The following NCAPD2 variants were observed in gnomAD, a reference collection of about 807,000 sequenced individuals.
NCAPD2 encodes the protein condensin complex subunit 1.
In NCAPD2, 100 loss-of-function variants were observed where a neutral mutation model predicts 164.5. That is an observed-to-expected ratio of 0.61 (90% CI 0.52 to 0.72). The LOEUF is 0.72. Among genes scored for constraint, NCAPD2 ranks in the 30% least tolerant of loss-of-function variants. The pLI, the probability that NCAPD2 is intolerant of heterozygous loss-of-function variation, is 0.00. For missense variants in NCAPD2, 1,560 were observed against 1,749.2 expected (o/e 0.89, Z 1.93); for synonymous variants, 585 against 642.6 (o/e 0.91, Z 1.36).
intron 2 of NCAPD2, among the ~76,000 whole-genome samples, chr12:6,501,354 A>T (rs1946034877): frequency 6.9e-6 from 1 of 144,780 alleles, no homozygotes; most frequent in Non-Finnish European, 1.5e-5. Flanking sequence ...CACCTGGCTA[A>T]TTTTTGTATT....
chr12:6,510,208 C>G (rs371221396), intron 4 of NCAPD2, 75 bp downstream of exon 4: 1 of 1,457,320 alleles, frequency 6.9e-7, no homozygotes, highest in Non-Finnish European at 9.6e-7. Context: ...GTTTGTTTTT[C>G]CTACATTTTG....
intron 17 of NCAPD2, 23 bp downstream of exon 17, chr12:6,523,369 T>A: frequency 6.4e-7 from 1 of 1,562,542 alleles, no homozygotes; most frequent in Non-Finnish European, 8.8e-7. Context: ...GCTTTCTCTT[T>A]CTTTATTCAT....
In NCAPD2 at chr12:6,531,444, A is replaced by G. The variant is rs1946372826; in HGVS notation, c.*32A>G. On this transcript the variant is annotated 3_prime_UTR_variant, in exon 32 of 32. Coordinates refer to ENST00000315579, the MANE Select transcript of NCAPD2 (RefSeq NM_014865.4). The surrounding 1 kb of genome is among the most constrained non-coding windows in gnomAD (Gnocchi z 4.1). ...TGTTCCTGTCCTCCCTGTGCAGGGT[A>G]TCCTGTAGGGTGACCTGGAATTCGA... 6.2e-7 allele frequency: 1 copy of G among 1,611,006 alleles called. No homozygotes were observed. Among genetic ancestry groups the G allele is most frequent in the Non-Finnish European group, 8.5e-7 (1 of 1,178,864 alleles).
At chr12:6,526,779 T>G (rs918387382) in intron 21 of NCAPD2, 112 bp from the exon 22 acceptor site, 4 of 1,436,904 alleles carry the variant, frequency 2.8e-6, no homozygotes, top group Non-Finnish European at 3.8e-6. Context: ...TCTTACTACT[T>G]CACTAGTTTG....
In NCAPD2 at chr12:6,521,871, TA is replaced by T. The variant is rs1946266426; in HGVS notation, c.1793del (p.Asn598IlefsTer17). On this transcript the variant is annotated frameshift_variant, in exon 15 of 32. Coordinates refer to ENST00000315579, the MANE Select transcript of NCAPD2 (RefSeq NM_014865.4). LOFTEE classifies it high-confidence loss of function. ...GNMVTGQTVC[K>X]NKPNMSDPEE... Reference sequence around the variant, plus strand: ...ACATGGTCACAGGACAGACTGTCTGTAAAAATAAACCCAATATGTCGGATCC... The same window carrying T: ...ACATGGTCACAGGACAGACTGTCTGTAAAATAAACCCAATATGTCGGATCC... The T allele has an allele frequency of 6.2e-7, 1 of 1,614,118 alleles. No homozygotes were observed. Among genetic ancestry groups the T allele is most frequent in the Non-Finnish European group, 8.5e-7 (1 of 1,180,012 alleles).
chr12:6,508,116 A>C (rs1451117315), intron 2 of NCAPD2, among the ~76,000 whole-genome samples: 1 of 152,182 alleles, frequency 6.6e-6, no homozygotes, highest in Non-Finnish European at 1.5e-5. Flanking sequence ...GGATCATGAG[A>C]TCAAGACCAT....
rs1946330716 is a variant in NCAPD2 at position 6,527,801 on chromosome 12, G to A, written c.2932G>A (p.Glu978Lys). ...EKNTSSETTMEEELGLVGATA... is the reference protein window; with the variant it reads ...EKNTSSETTMKEELGLVGATA... Reference sequence around the variant, plus strand: ...GAATACGAGCTCTGAGACCACCATGGAGGAGGAGCTGGGGCTGGTTGGGGC... The same window carrying A: ...GAATACGAGCTCTGAGACCACCATGAAGGAGGAGCTGGGGCTGGTTGGGGC... Residue 978 changes from glutamate to lysine, a missense_variant, in exon 23 of 32, where the codon GAG (glutamate) becomes AAG (lysine). Transcript: ENST00000315579. 5.0e-6 allele frequency: 8 copies of A among 1,613,528 alleles called. No individual in the cohort carries two copies. Among genetic ancestry groups the A allele is most frequent in the South Asian group, 1.1e-5 (1 of 91,044 alleles).
intron 2 of NCAPD2, among the ~76,000 whole-genome samples, chr12:6,498,055 A>G (rs1157984141): frequency 6.6e-6 from 1 of 151,970 alleles, no homozygotes; most frequent in Non-Finnish European, 1.5e-5. Context: ...GACTACAGGC[A>G]TGTGCCAACA....
chr12:6,520,461 A>G (rs1235154069), intron 13 of NCAPD2, among the ~76,000 whole-genome samples: 1 of 148,452 alleles, frequency 6.7e-6, no homozygotes, highest in Non-Finnish European at 1.5e-5. Context: ...GGCATACACC[A>G]TCACACCCAC....
At chr12:6,508,107 G>A (rs1408231366) in intron 2 of NCAPD2, among the ~76,000 whole-genome samples, 1 of 152,180 alleles carries the variant, frequency 6.6e-6, no homozygotes, top group African/African-American at 2.4e-5. Context: ...GAGGCAGGTG[G>A]ATCATGAGAT....
At chr12:6,501,265 G>C (rs7138282) in intron 2 of NCAPD2, among the ~76,000 whole-genome samples, 2 of 113,328 alleles carry the variant, frequency 1.8e-5, no homozygotes, top group African/African-American at 3.4e-5. Context: ...TTTTTAGGCA[G>C]AGTCTCGCTC....
At position 6,527,995 on chromosome 12, in the gene NCAPD2, C is replaced by T. The variant is rs1592178028; in HGVS notation, c.3047C>T (p.Pro1016Leu). The T allele has an allele frequency of 1.9e-6, 3 of 1,614,238 alleles. No homozygotes were observed. In the South Asian group the frequency reaches 3.3e-5, roughly 18 times the overall value. ...DGKQTLAAFV[P>L]LLLKVCNNPG... Reference sequence around the variant, plus strand: ...AAACAGACACTGGCTGCCTTTGTTCCACTCTTGCTTAAAGTCTGTAACAAC... The same window carrying T: ...AAACAGACACTGGCTGCCTTTGTTCTACTCTTGCTTAAAGTCTGTAACAAC... The change falls in exon 24 of 32, where the codon CCA (proline) becomes CTA (leucine). Residue 1016 changes from proline (P) to leucine (L), a missense_variant. Transcript: ENST00000315579.
intron 2 of NCAPD2, among the ~76,000 whole-genome samples, chr12:6,501,021 T>C (rs923697983): frequency 6.6e-6 from 1 of 151,682 alleles, no homozygotes; most frequent in African/African-American, 2.4e-5. Flanking sequence ...ATTATAGGGT[T>C]AGTAAAGGAA....
In NCAPD2 at chr12:6,494,449, A is replaced by C. The variant is rs1033878403; in HGVS notation, c.-24+295A>C. Among the ~76,000 whole-genome samples the C allele has an allele frequency of 4.6e-5, 7 of 152,346 alleles. No individual in the cohort carries two copies. In the East Asian group the frequency reaches 9.6e-4, roughly 21 times the overall value. On this transcript the variant is annotated intron_variant, in intron 1 of 31. Transcript: ENST00000315579. ...TGTAAACTCATTTGTATTATTATGC[A>C]CCTCATGGGATTGAGGTTAGGATAC... is the stretch of plus-strand genomic sequence containing the variant.
chr12:6,529,135 G>C, intron 27 of NCAPD2, 96 bp downstream of exon 27: 3 of 1,132,392 alleles, frequency 2.6e-6, no homozygotes, highest in Non-Finnish European at 3.9e-6. Flanking sequence ...CTACTCTTTA[G>C]CTGTACAGCC....
At chr12:6,494,894 T>A (rs1945961320) in intron 1 of NCAPD2, among the ~76,000 whole-genome samples, 182 bp from the exon 2 acceptor site, 2 of 152,126 alleles carry the variant, frequency 1.3e-5, no homozygotes, top group Non-Finnish European at 2.9e-5. Context: ...GTTACTAGCT[T>A]GCTATAAAAC....
chr12:6,510,285 C>T, intron 4 of NCAPD2, 152 bp downstream of exon 4: 2 of 891,542 alleles, frequency 2.2e-6, no homozygotes, highest in Non-Finnish European at 3.8e-6. Context: ...GGACCTTTGG[C>T]CTGTTAAAGG....
chr12:6,521,135 A>G, intron 14 of NCAPD2, 25 bp downstream of exon 14: 1 of 1,611,866 alleles, frequency 6.2e-7, no homozygotes, highest in Non-Finnish European at 8.5e-7. Flanking sequence ...TCTTCAGTCA[A>G]TAAATAACAC....
intron 9 of NCAPD2, among the ~76,000 whole-genome samples, chr12:6,515,654 C>T (rs868644688): frequency 2.0e-5 from 3 of 152,216 alleles, no homozygotes; most frequent in Non-Finnish European, 4.4e-5. Context: ...ATGTTGGGCA[C>T]TCCTAGGTGA....
Sources: gnomAD v4.1 joint callset for allele counts (sites outside exome capture counted in the v4.1 genomes callset) on GRCh38, gnomAD v4.1.1 for gene constraint, Gnocchi (gnomAD v3.1) non-coding constraint, MANE v1.5 for transcripts, NCBI Gene and HGNC (gene_info 2026-07-23, HGNC 2026-07-21) for gene names.